The following OR11G2 variants were observed in gnomAD, a reference collection of about 807,000 sequenced individuals.
OR11G2 encodes the protein olfactory receptor 11G2.
A neutral mutation model predicts 0.9 loss-of-function variants in OR11G2; 2 were observed. The ratio of observed to expected loss-of-function variants is 2.35; its 90% confidence interval spans 0.96 to 7.38. The LOEUF (loss-of-function observed/expected upper bound fraction) is 7.38. OR11G2 is among the 30% of genes most tolerant of loss of function. The pLI is 0.05. For synonymous variants in OR11G2, 153 were observed against 142.0 expected (o/e 1.08, Z -0.55); for missense variants, 395 against 371.3 (o/e 1.06, Z -0.52).
Position 20,197,987 on chromosome 14 carries a change from GACCCA to G in OR11G2, c.551_555del (p.Asp184GlyfsTer84). The G allele has an allele frequency of 6.2e-7, 1 of 1,608,850 alleles. No individual in the cohort carries two copies. The highest frequency in any genetic ancestry group is 8.5e-7 in the Non-Finnish European group (1 of 1,178,808). ...TAGGATTATTGACCACTTCCTATGTGACCCAGCTCCTCTTCTAACTCTCACTTGCA... is the reference window on the plus strand; with the variant it reads ...TAGGATTATTGACCACTTCCTATGTGGCTCCTCTTCTAACTCTCACTTGCA... On this transcript the variant is annotated frameshift_variant, in exon 2 of 2. Coordinates refer to ENST00000641879, the MANE Select transcript of OR11G2 (RefSeq NM_001386033.1). LOFTEE classifies it low-confidence loss of function (END_TRUNC).
At position 20,200,763 on chromosome 14, in the gene OR11G2, A is replaced by G. The variant is rs769879051; in HGVS notation, c.*2390A>G. ...CATCAGTTCCCATTAATAGAAGACT[A>G]GTAAAATGAGCTATGGTGAGTTATA... On this transcript the variant is annotated 3_prime_UTR_variant, in exon 2 of 2. Transcript: ENST00000641879. 3 of 152,250 alleles carry G rather than the reference A, an allele frequency of 2.0e-5. No homozygotes were observed. The highest frequency in any genetic ancestry group is 3.2e-3 in the Middle Eastern group (1 of 316). The allele number at this position is 152,250 out of a possible 1,614,324, so 9.4% of individuals were successfully genotyped here.
intron 1 of OR11G2, among the ~76,000 whole-genome samples, chr14:20,192,258 A>G (rs969809718): frequency 6.6e-6 from 1 of 152,224 alleles, no homozygotes; most frequent in Non-Finnish European, 1.5e-5. Context: ...TAAAGTCTTC[A>G]TATCATGTAT....
Position 20,199,169 on chromosome 14 carries a change from C to T in OR11G2, c.*796C>T, listed in dbSNP as rs117966830. On this transcript the variant is annotated 3_prime_UTR_variant, in exon 2 of 2. Coordinates refer to ENST00000641879, the MANE Select transcript of OR11G2 (RefSeq NM_001386033.1). ...TCCTATTTCAGTACTTCTTGAACCC[C>T]ATGACTCCTGAAACTTCCGCTTTGC... The T allele has an allele frequency of 6.1e-3, 922 of 152,382 alleles. 9 individuals are homozygous for T. The highest frequency in any genetic ancestry group is 0.01 in the Middle Eastern group (3 of 294). 9.4% of individuals were successfully genotyped at this position (152,382 alleles called of 1,614,324 possible).
intron 1 of OR11G2, among the ~76,000 whole-genome samples, chr14:20,194,577 G>A (rs188088915): frequency 9.2e-5 from 14 of 152,114 alleles, no homozygotes; most frequent in Middle Eastern, 3.4e-3. Flanking sequence ...AGGAACACTA[G>A]CAAAAAAATC....
At chr14:20,196,421 C>A (rs563982417) in intron 1 of OR11G2, among the ~76,000 whole-genome samples, 1 of 152,170 alleles carries the variant, frequency 6.6e-6, no homozygotes, top group African/African-American at 2.4e-5. Context: ...CTCACTTATG[C>A]GCTTATTTAG....
rs1879863693 is a variant in OR11G2, at chr14:20,199,754, C to T, written c.*1381C>T. On this transcript the variant is annotated 3_prime_UTR_variant, in exon 2 of 2. Coordinates refer to ENST00000641879, the MANE Select transcript of OR11G2 (RefSeq NM_001386033.1). Reference sequence around the variant, plus strand: ...TGTAGCATGTGTCTTCAAAAGCCCACAAATCAGAGAGACAGGTGGATATAG... The same window carrying T: ...TGTAGCATGTGTCTTCAAAAGCCCATAAATCAGAGAGACAGGTGGATATAG... 1.3e-5 allele frequency: 2 copies of T among 152,140 alleles called. No homozygotes were observed. The highest frequency in any genetic ancestry group is 1.3e-4 in the Admixed American group (2 of 15,280). The allele number at this position is 152,140 out of a possible 1,614,324, so 9.4% of individuals were successfully genotyped here.
Position 20,198,265 on chromosome 14 carries a change from G to C in OR11G2, c.828G>C (p.Lys276Asn), listed in dbSNP as rs1327368167. ...PPSKNEAGKQKTVTLFYSVVT... is the reference protein window; with the variant it reads ...PPSKNEAGKQNTVTLFYSVVT... ...CTAAGAATGAAGCTGGAAAGCAGAA[G>C]ACTGTGACTCTGTTTTATTCTGTTG... The change falls in exon 2 of 2, where the codon AAG (lysine) becomes AAC (asparagine). Residue 276 changes from lysine to asparagine, a missense_variant. By Grantham distance (94) the Lys-to-Asn change is moderately conservative. Transcript: ENST00000641879. The C allele has an allele frequency of 6.2e-6, 10 of 1,613,608 alleles. No individual in the cohort carries two copies. The East Asian group carries it at 1.1e-4, about 18-fold the overall frequency.
At chr14:20,194,877 T>A (rs569401242) in intron 1 of OR11G2, among the ~76,000 whole-genome samples, 24 of 152,280 alleles carry the variant, frequency 1.6e-4, no homozygotes, top group African/African-American at 4.8e-4. Context: ...ATGTCCTTAA[T>A]CATGAGTGAA....
chr14:20,198,390 G>T lies in OR11G2; in HGVS notation c.*17G>T. 6.6e-7 allele frequency: 1 copy of T among 1,506,878 alleles called. No homozygotes were observed. Among genetic ancestry groups the T allele is most frequent in the South Asian group, 1.3e-5 (1 of 75,598 alleles). The allele number at this position is 1,506,878 out of a possible 1,614,324, so 93.3% of individuals were successfully genotyped here. A position where few individuals can be genotyped will look rare whatever the true frequency, so the allele number is the denominator to read the frequency against. ...GGAACATAAAATGTTAATCAAAAAG[G>T]TCCTTGCGTAATTAATCTTGTCTTT... On this transcript the variant is annotated 3_prime_UTR_variant, in exon 2 of 2. Transcript: ENST00000641879.
In OR11G2 at chr14:20,199,085, G is replaced by A. The variant is rs539058506; in HGVS notation, c.*712G>A. ...TACTGCAGGAACATAGCCTTTCTGA[G>A]ACCTCAGGGACAAATCTGGACTGTT... On this transcript the variant is annotated 3_prime_UTR_variant, in exon 2 of 2. Transcript: ENST00000641879. 1.3e-5 allele frequency: 2 copies of A among 152,238 alleles called. No homozygotes were observed. Among genetic ancestry groups the A allele is most frequent in the South Asian group, 4.1e-4 (2 of 4,828 alleles). The allele number at this position is 152,238 out of a possible 1,614,324, so 9.4% of individuals were successfully genotyped here.
chr14:20,197,254 G>A lies in OR11G2; in HGVS notation c.-4-180G>A, dbSNP rs566617676. ...GCAAAGAATCAATCCAGATCAATAC[G>A]TCAGTTTAAAAGAAAAAAAGTGACT... On this transcript the variant is annotated intron_variant, in intron 1 of 1. Coordinates refer to ENST00000641879, the MANE Select transcript of OR11G2 (RefSeq NM_001386033.1). 8.6e-5 allele frequency: 68 copies of A among 791,800 alleles called. 1 individual carries two copies. The East Asian group carries it at 1.2e-3, about 14-fold the overall frequency. 49.0% of individuals were successfully genotyped at this position (791,800 alleles called of 1,614,324 possible).
chr14:20,191,131 G>A lies in OR11G2; in HGVS notation c.-540G>A, dbSNP rs1279697283. ...GCCTAGGTTGTAATTCAAGTCCTAG[G>A]CTCCTTACTCAAATCCACTGTTTTT... On this transcript the variant is annotated 5_prime_UTR_variant, in exon 1 of 2. Transcript: ENST00000641879. The A allele has an allele frequency of 6.6e-6, 1 of 152,136 alleles. No individual in the cohort carries two copies. Among genetic ancestry groups the A allele is most frequent in the Admixed American group, 6.5e-5 (1 of 15,274 alleles). 9.4% of individuals were successfully genotyped at this position (152,136 alleles called of 1,614,324 possible). A position where few individuals can be genotyped will look rare whatever the true frequency, so the allele number is the denominator to read the frequency against.
chr14:20,192,797 G>A (rs1349693023), intron 1 of OR11G2, among the ~76,000 whole-genome samples: 1 of 152,170 alleles, frequency 6.6e-6, no homozygotes, highest in African/African-American at 2.4e-5. Flanking sequence ...TGGGGCACTG[G>A]CGATAAAGAG....
chr14:20,195,200 C>T (rs1336999868), intron 1 of OR11G2, among the ~76,000 whole-genome samples: 4 of 152,178 alleles, frequency 2.6e-5, no homozygotes, highest in East Asian at 1.9e-4. Context: ...CTCCATGTCA[C>T]GGGAATTAGG....
intron 1 of OR11G2, among the ~76,000 whole-genome samples, chr14:20,193,022 C>G (rs1879685610): frequency 6.6e-6 from 1 of 151,894 alleles, no homozygotes; most frequent in Non-Finnish European, 1.5e-5. Flanking sequence ...GCCCAGAGGT[C>G]TGAGTTAGTT....
rs1003985065 is a variant in OR11G2, at chr14:20,197,544, C to T, written c.107C>T (p.Thr36Ile). Residue 36 changes from threonine to isoleucine, a missense_variant, in exon 2 of 2, where the codon ACT becomes ATT. Coordinates refer to ENST00000641879, the MANE Select transcript of OR11G2 (RefSeq NM_001386033.1). The stretch of plus-strand genomic sequence containing the variant: ...CAGATCCTCCTCTTTGTGCTCTTCA[C>T]TGTTGTTTACCTCCTGACCCTCATG... ...EGQILLFVLF[T>I]VVYLLTLMGN... 5 of 1,614,028 alleles carry T rather than the reference C, an allele frequency of 3.1e-6. No homozygotes were observed. In the African/African-American group the frequency reaches 6.7e-5, roughly 22 times the overall value.
chr14:20,193,757 T>C (rs1879699246), intron 1 of OR11G2, among the ~76,000 whole-genome samples: 1 of 152,180 alleles, frequency 6.6e-6, no homozygotes, highest in Non-Finnish European at 1.5e-5. Flanking sequence ...AGCTGAGTAG[T>C]TTTGACAGAG....
rs1879852603 is a variant in OR11G2, at chr14:20,199,302, A to C, written c.*929A>C. ...TGAAGGGGAATTGCATCATATTTTT[A>C]GCCTAGCTTCTGTGGTCCTTCCCTC... On this transcript the variant is annotated 3_prime_UTR_variant, in exon 2 of 2. Coordinates refer to ENST00000641879, the MANE Select transcript of OR11G2 (RefSeq NM_001386033.1). The C allele has an allele frequency of 6.6e-6, 1 of 152,236 alleles. No individual in the cohort carries two copies. The highest frequency in any genetic ancestry group is 2.4e-5 in the African/African-American group (1 of 41,460). The allele number at this position is 152,236 out of a possible 1,614,324, so 9.4% of individuals were successfully genotyped here.
rs1186653908 is a variant in OR11G2, at chr14:20,200,516, G to A, written c.*2143G>A. The A allele has an allele frequency of 2.6e-5, 4 of 152,134 alleles. No homozygotes were observed. Among genetic ancestry groups the A allele is most frequent in the African/African-American group, 4.8e-5 (2 of 41,432 alleles). 9.4% of individuals were successfully genotyped at this position (152,134 alleles called of 1,614,324 possible). ...ATCAAGAAGTTTGATTACACATTGC[G>A]TGTCTGAGGATTGTGAAATGGGTTC... On this transcript the variant is annotated 3_prime_UTR_variant, in exon 2 of 2. Coordinates refer to ENST00000641879, the MANE Select transcript of OR11G2 (RefSeq NM_001386033.1).
Sources: gnomAD v4.1 joint callset for allele counts (sites outside exome capture counted in the v4.1 genomes callset) on GRCh38, gnomAD v4.1.1 for gene constraint, MANE v1.5 for transcripts, NCBI Gene and HGNC (gene_info 2026-07-23, HGNC 2026-07-21) for gene names.